NKAIN3: variants seen among roughly 807,000 people sequenced by gnomAD.
NKAIN3 encodes sodium/potassium-transporting ATPase subunit beta-1-interacting protein 3.
NKAIN3 carries 25 observed loss-of-function variants against 30.2 expected under a neutral mutation model. The ratio of observed to expected loss-of-function variants is 0.83; its 90% CI spans 0.60 to 1.16. NKAIN3 has a LOEUF of 1.16. Among genes scored for constraint, NKAIN3 ranks in the 50% most tolerant of loss-of-function variants. The pLI is 0.00. For synonymous variants in NKAIN3, 91 were observed against 89.6 expected, an observed-to-expected ratio of 1.02 and a Z score of -0.09; for missense variants, 225 against 254.1, an observed-to-expected ratio of 0.89 and a Z score of 0.78.
chr8:62,451,237 C>G (rs552119306), intron 1 of NKAIN3, among the ~76,000 whole-genome samples: 1 of 151,530 alleles, frequency 6.6e-6, no homozygotes, highest in East Asian at 2.0e-4. Flanking sequence ...TTTCTCTTCT[C>G]TTCTCTCTCT....
At chr8:62,442,563 A>C (rs1194907463) in intron 1 of NKAIN3, among the ~76,000 whole-genome samples, 1 of 151,520 alleles carries the variant, frequency 6.6e-6, no homozygotes, top group Non-Finnish European at 1.5e-5. Flanking sequence ...CATCTTTTTG[A>C]CTGGTTAATG....
At chr8:62,956,183 T>C (rs1022872968) in intron 6 of NKAIN3, among the ~76,000 whole-genome samples, 2 of 152,148 alleles carry the variant, frequency 1.3e-5, no homozygotes, top group African/African-American at 4.8e-5. Flanking sequence ...TATATTGAAT[T>C]CCATTGAATC....
At chr8:62,517,655 C>A (rs1808035593) in intron 1 of NKAIN3, among the ~76,000 whole-genome samples, 1 of 152,042 alleles carries the variant, frequency 6.6e-6, no homozygotes, top group South Asian at 2.1e-4. Context: ...AGTTTCCACC[C>A]CACAATGTGT....
At chr8:62,284,539 T>C (rs889994801) in intron 1 of NKAIN3, among the ~76,000 whole-genome samples, 4 of 152,010 alleles carry the variant, frequency 2.6e-5, no homozygotes, top group African/African-American at 7.3e-5. Flanking sequence ...GGCAGGAGAA[T>C]TGCTTGAACC....
At chr8:62,909,750 C>A (rs140711238) in intron 4 of NKAIN3, among the ~76,000 whole-genome samples, 96 of 152,002 alleles carry the variant, frequency 6.3e-4, no homozygotes, top group African/African-American at 2.3e-3. Context: ...ATCAATAAGG[C>A]AAAAGTAAAA....
intron 4 of NKAIN3, chr8:62,863,041 G>A (rs553659858): frequency 6.9e-5 from 53 of 764,334 alleles, no homozygotes; most frequent in South Asian, 6.8e-4. Flanking sequence ...ATGTGACTAT[G>A]GAGACTCTAG....
intron 5 of NKAIN3, among the ~76,000 whole-genome samples, chr8:62,937,925 C>T (rs1380828450): frequency 6.6e-6 from 1 of 151,976 alleles, no homozygotes; most frequent in Non-Finnish European, 1.5e-5. Flanking sequence ...CCTATCATTG[C>T]CGGCTTTCTC....
chr8:62,919,496 C>T (rs574054939), intron 5 of NKAIN3, among the ~76,000 whole-genome samples: 267 of 152,054 alleles, frequency 1.8e-3, no homozygotes, highest in Non-Finnish European at 2.4e-3. Flanking sequence ...CCACCCGCCT[C>T]GGCCTCCCAA....
At position 62,579,520 on chromosome 8, in the gene NKAIN3, C is replaced by G; in HGVS notation, c.55-19C>G. ...GATGCTTGGATTCAATGCTAATGAACTTTCTTTTTTTGTTGTAGGTCTCAG... is the reference window on the plus strand; with the variant it reads ...GATGCTTGGATTCAATGCTAATGAAGTTTCTTTTTTTGTTGTAGGTCTCAG... On this transcript the variant is annotated intron_variant, in intron 1 of 6. Transcript: ENST00000623646. The G allele has an allele frequency of 6.3e-7, 1 of 1,590,430 alleles. No individual in the cohort carries two copies. Among genetic ancestry groups the G allele is most frequent in the South Asian group, 1.1e-5 (1 of 87,172 alleles).
At chr8:62,808,295 A>G (rs1275736599) in intron 4 of NKAIN3, among the ~76,000 whole-genome samples, 3 of 152,180 alleles carry the variant, frequency 2.0e-5, no homozygotes, top group African/African-American at 7.2e-5. Flanking sequence ...ACTCTTTAGT[A>G]GCTTTTTGTT....
intron 1 of NKAIN3, among the ~76,000 whole-genome samples, chr8:62,457,516 A>T (rs1411986608): frequency 6.6e-6 from 1 of 152,168 alleles, no homozygotes; most frequent in Admixed American, 6.5e-5. Context: ...TGACTGTGTA[A>T]CTTTGATATA....
intron 1 of NKAIN3, among the ~76,000 whole-genome samples, chr8:62,387,438 A>G (rs986108280): frequency 1.5e-4 from 23 of 152,224 alleles, no homozygotes; most frequent in African/African-American, 5.5e-4. Flanking sequence ...TTCTGCATGT[A>G]AACACCCATC....
intron 3 of NKAIN3, among the ~76,000 whole-genome samples, chr8:62,620,349 T>C (rs991345243): frequency 6.6e-6 from 1 of 152,110 alleles, no homozygotes; most frequent in East Asian, 1.9e-4. Flanking sequence ...CTTAAAGTGA[T>C]GGTCAGAAAG....
intron 3 of NKAIN3, among the ~76,000 whole-genome samples, chr8:62,692,484 G>A (rs1034185322): frequency 2.0e-5 from 3 of 152,040 alleles, no homozygotes; most frequent in African/African-American, 7.2e-5. Context: ...ATGAGAAAGA[G>A]GACTAGAAAT....
At chr8:62,462,157 C>T (rs1160997580) in intron 1 of NKAIN3, among the ~76,000 whole-genome samples, 14 of 152,096 alleles carry the variant, frequency 9.2e-5, no homozygotes, top group Admixed American at 7.2e-4. Flanking sequence ...AGTCCATGGG[C>T]ACAGGCGCAG....
rs754453282 is a variant in NKAIN3, at chr8:62,457,894, G to A, written c.55-121645G>A. ...GAACTTATTTAAGTCTTTTTCAGGT[G>A]GATAAAACAGACATGTGGCCAAGAT... On this transcript the variant is annotated intron_variant, in intron 1 of 6. Coordinates refer to ENST00000623646, the MANE Select transcript of NKAIN3 (RefSeq NM_001304533.3). Among the ~76,000 whole-genome samples the A allele has an allele frequency of 4.7e-4, 72 of 152,136 alleles. 1 individual carries two copies. Among genetic ancestry groups the A allele is most frequent in the Non-Finnish European group, 9.3e-4 (63 of 67,994 alleles).
rs1444135865 is a variant in NKAIN3, at chr8:62,563,766, T to C, written c.55-15773T>C. On this transcript the variant is annotated intron_variant, in intron 1 of 6. Coordinates refer to ENST00000623646, the MANE Select transcript of NKAIN3 (RefSeq NM_001304533.3). ...GGCTTTAGGTTTCTCTACAGGATGT[T>C]ATGTACCCAATCTGCAGCTATTGTT... Among the ~76,000 whole-genome samples, 4 of 152,162 alleles carry C rather than the reference T, an allele frequency of 2.6e-5. No individual in the cohort carries two copies. In the East Asian group the frequency reaches 7.7e-4, roughly 29 times the overall value.
At chr8:62,539,675 G>A (rs918778189) in intron 1 of NKAIN3, among the ~76,000 whole-genome samples, 1 of 152,034 alleles carries the variant, frequency 6.6e-6, no homozygotes. Context: ...CCACATCCTC[G>A]ATCGCGTGAG....
downstream of NKAIN3, chr8:62,984,950 A>C (rs993699793): frequency 6.6e-6 from 1 of 152,210 alleles, no homozygotes. Context: ...TTATATATTT[A>C]TTGTAGTAAA....
Sources: allele counts gnomAD v4.1 joint callset (sites outside exome capture counted in the v4.1 genomes callset), GRCh38; gene constraint gnomAD v4.1.1; transcripts MANE v1.5; gene names NCBI Gene and HGNC (gene_info 2026-07-23, HGNC 2026-07-21).